The following NREP variants were observed in gnomAD, a reference collection of about 807,000 sequenced individuals.
The protein encoded by NREP is neuronal regeneration-related protein.
NREP carries 5 observed loss-of-function variants against 8.6 expected under a neutral mutation model. The observed-to-expected ratio is 0.58, with a 90% CI of 0.30 to 1.22. The LOEUF (loss-of-function observed/expected upper bound fraction) is 1.22. Ranked by LOEUF, NREP falls within the 50% of genes most tolerant of loss-of-function variation. The pLI is 0.07. For missense variants in NREP, 86 were observed against 82.5 expected (o/e 1.04, Z -0.17); for synonymous variants, 27 against 28.0 (o/e 0.96, Z 0.11).
At chr5:111,971,285 A>G (rs1261868461) in intron 2 of NREP, among the ~76,000 whole-genome samples, 1 of 152,230 alleles carries the variant, frequency 6.6e-6, no homozygotes, top group African/African-American at 2.4e-5. Context: ...TGACCTACAG[A>G]TTCAATGTAA....
rs1413774070 is a variant in NREP at position 111,731,056 on chromosome 5, A to G, written c.82-10T>C. ...GGACAGGAAGTCTTCCCTGCAAAGC[A>G]GGCAGACCCACACACAGACAGACAC... On this transcript the variant is annotated splice_polypyrimidine_tract_variant and intron_variant, in intron 3 of 3. Transcript: ENST00000257435. 1.9e-6 allele frequency: 3 copies of G among 1,613,600 alleles called. No individual in the cohort carries two copies. The South Asian group carries it at 3.3e-5, about 18-fold the overall frequency.
chr5:111,866,212 G>A (rs1010448965), intron 2 of NREP, among the ~76,000 whole-genome samples: 1 of 152,032 alleles, frequency 6.6e-6, no homozygotes. Flanking sequence ...GAGTGAACAG[G>A]CAACCTATAG....
Position 111,740,128 on chromosome 5 carries a change from T to C in NREP, c.4-4621A>G, listed in dbSNP as rs555169793. Among the ~76,000 whole-genome samples, 80 of 152,286 alleles carry C rather than the reference T, an allele frequency of 5.3e-4. 1 individual carries two copies. The highest frequency in any genetic ancestry group is 1.5e-3 in the African/African-American group (62 of 41,584). On this transcript the variant is annotated intron_variant, in intron 2 of 3. Transcript: ENST00000257435. ...GTGTTTATACTTGTCACTGAATATA[T>C]TGGTTAATGCATCTTTTTCTATGAT...
chr5:111,849,001 T>G, intron 2 of NREP, among the ~76,000 whole-genome samples: 1 of 152,254 alleles, frequency 6.6e-6, no homozygotes, highest in Middle Eastern at 3.4e-3. Flanking sequence ...TGGCCCTGGG[T>G]TAACCTCTGG....
intron 2 of NREP, among the ~76,000 whole-genome samples, chr5:111,880,955 G>A (rs1229339843): frequency 1.3e-5 from 2 of 152,148 alleles, no homozygotes; most frequent in East Asian, 1.9e-4. Flanking sequence ...ATCTCACTAG[G>A]GAGTGCCAGA....
At chr5:111,869,508 T>C (rs1468889370) in intron 2 of NREP, among the ~76,000 whole-genome samples, 3 of 152,212 alleles carry the variant, frequency 2.0e-5, no homozygotes, top group African/African-American at 7.2e-5. Flanking sequence ...TTATCAGCAG[T>C]TGCATGGTGT....
chr5:111,969,164 A>G (rs1403675421), intron 2 of NREP, among the ~76,000 whole-genome samples: 5 of 152,248 alleles, frequency 3.3e-5, no homozygotes, highest in African/African-American at 1.2e-4. Context: ...CTAATGGTGG[A>G]ACACAGAATG....
chr5:111,976,617 GGTCA>G, intron 1 of NREP: 1 of 988,274 alleles, frequency 1.0e-6, no homozygotes, highest in Non-Finnish European at 1.5e-6. Flanking sequence ...AAAATGGAGA[GGTCA>G]GTGAGGCAGA....
At chr5:111,803,879 G>A (rs1305107242) in intron 2 of NREP, among the ~76,000 whole-genome samples, 1 of 152,128 alleles carries the variant, frequency 6.6e-6, no homozygotes. Context: ...ACACAAAAGT[G>A]GACTTGAAAA....
intron 2 of NREP, among the ~76,000 whole-genome samples, chr5:111,774,090 G>T (rs1751301255): frequency 6.6e-6 from 1 of 152,042 alleles, no homozygotes; most frequent in African/African-American, 2.4e-5. Context: ...TCAGGACAAA[G>T]AACTCTAGAA....
intron 2 of NREP, among the ~76,000 whole-genome samples, chr5:111,831,849 C>T (rs1752776262): frequency 6.6e-6 from 1 of 152,144 alleles, no homozygotes; most frequent in Non-Finnish European, 1.5e-5. Flanking sequence ...CAAAAAGGGC[C>T]TAGAGAATAA....
chr5:111,976,073 G>A (rs1184577703), intron 1 of NREP, among the ~76,000 whole-genome samples: 1 of 152,014 alleles, frequency 6.6e-6, no homozygotes, highest in Non-Finnish European at 1.5e-5. Context: ...TAACTATGTT[G>A]TATCAGGATT....
At chr5:111,807,929 CAAT>C (rs914379601) in intron 2 of NREP, among the ~76,000 whole-genome samples, 21 of 132,460 alleles carry the variant, frequency 1.6e-4, no homozygotes, top group African/African-American at 5.7e-4. Flanking sequence ...ATCACAACAA[CAAT>C]AACAACAACA....
At chr5:111,812,255 C>G (rs1378707373) in intron 2 of NREP, among the ~76,000 whole-genome samples, 1 of 152,058 alleles carries the variant, frequency 6.6e-6, no homozygotes, top group African/African-American at 2.4e-5. Flanking sequence ...CCACTGCACT[C>G]CAGCCTGTGT....
chr5:111,917,560 G>C (rs1755097355), intron 2 of NREP, among the ~76,000 whole-genome samples: 2 of 152,140 alleles, frequency 1.3e-5, no homozygotes, highest in South Asian at 4.2e-4. Flanking sequence ...TCAACACACA[G>C]AAATCAATAA....
chr5:111,746,840 A>C (rs1023575338), intron 2 of NREP, among the ~76,000 whole-genome samples: 2 of 152,164 alleles, frequency 1.3e-5, no homozygotes, highest in Non-Finnish European at 2.9e-5. Flanking sequence ...TCTGTTAACA[A>C]CACAACTGAA....
chr5:111,819,780 G>A (rs909849812), intron 2 of NREP, among the ~76,000 whole-genome samples: 1 of 152,152 alleles, frequency 6.6e-6, no homozygotes, highest in African/African-American at 2.4e-5. Flanking sequence ...AAGCCTGAAT[G>A]AAGCTTATTT....
chr5:111,735,596 C>T, intron 2 of NREP, 89 bp from the exon 3 acceptor site: 1 of 872,160 alleles, frequency 1.1e-6, no homozygotes, highest in Non-Finnish European at 1.9e-6. Context: ...CTCAATTCTC[C>T]TCAATGGTTA....
At chr5:111,881,383 T>C (rs961586114) in intron 2 of NREP, among the ~76,000 whole-genome samples, 7 of 152,142 alleles carry the variant, frequency 4.6e-5, no homozygotes, top group South Asian at 2.1e-4. Flanking sequence ...CTCTGTAGGC[T>C]TCACCTCTGG....
Sources: gnomAD v4.1 joint callset for allele counts (sites outside exome capture counted in the v4.1 genomes callset) on GRCh38, gnomAD v4.1.1 for gene constraint, MANE v1.5 for transcripts, NCBI Gene and HGNC (gene_info 2026-07-23, HGNC 2026-07-21) for gene names.